Variants in WWOX observed in about 807,000 individuals in gnomAD.
The protein encoded by WWOX is WW domain containing oxidoreductase.
In WWOX, 69 loss-of-function variants were observed where a neutral mutation model predicts 46.2. The ratio of observed to expected loss-of-function variants is 1.49; its 90% CI spans 1.23 to 1.82. The LOEUF is 1.82. WWOX is among the 40% of genes most tolerant of loss of function. WWOX has a pLI of 0.00. For missense variants in WWOX, 919 were observed against 542.6 expected (o/e 1.69, Z -6.89); for synonymous variants, 359 against 202.6 (o/e 1.77, Z -6.56).
intron 8 of WWOX, among the ~76,000 whole-genome samples, chr16:78,921,842 A>C (rs1350634758): frequency 6.6e-6 from 1 of 152,174 alleles, no homozygotes; most frequent in African/African-American, 2.4e-5. Flanking sequence ...ACCCATCCTC[A>C]TGGCTGATAT....
At chr16:79,195,674 C>G (rs991120786) in intron 8 of WWOX, among the ~76,000 whole-genome samples, 1 of 152,166 alleles carries the variant, frequency 6.6e-6, no homozygotes, top group Non-Finnish European at 1.5e-5. Context: ...GGTAAGCCAG[C>G]TTGTCTAGAC....
intron 8 of WWOX, among the ~76,000 whole-genome samples, chr16:78,795,066 G>A (rs1038831753): frequency 1.3e-5 from 2 of 152,134 alleles, no homozygotes; most frequent in African/African-American, 4.8e-5. Context: ...TTTGGACGTT[G>A]GTGCTTAAGC....
At chr16:78,578,284 A>ATATATATATATATTTTTTTTT (rs1555567122) in intron 8 of WWOX, among the ~76,000 whole-genome samples, 4 of 20,840 alleles carry the variant, frequency 1.9e-4, no homozygotes, top group African/African-American at 6.8e-4. Context: ...ATATATATAT[A>ATATATATATATATTTTTTTTT]TTTTTTTTTT....
intron 8 of WWOX, among the ~76,000 whole-genome samples, chr16:78,860,058 A>G (rs747430403): frequency 2.6e-5 from 4 of 152,172 alleles, no homozygotes; most frequent in Non-Finnish European, 5.9e-5. Context: ...AATTGTAACA[A>G]TTTTCTAGCC....
intron 8 of WWOX, among the ~76,000 whole-genome samples, chr16:78,968,393 C>G (rs990324086): frequency 9.9e-5 from 15 of 151,846 alleles, no homozygotes; most frequent in Non-Finnish European, 1.8e-4. Context: ...ATTGTCATTG[C>G]TAATTGCCAG....
At chr16:78,784,685 A>C (rs367652652) in intron 8 of WWOX, among the ~76,000 whole-genome samples, 7 of 152,194 alleles carry the variant, frequency 4.6e-5, no homozygotes, top group Non-Finnish European at 1.0e-4. Flanking sequence ...GTGGTTCCCA[A>C]TGTTACTGTT....
chr16:79,209,079 T>A (rs555993894), intron 8 of WWOX, among the ~76,000 whole-genome samples: 3 of 152,210 alleles, frequency 2.0e-5, no homozygotes, highest in African/African-American at 7.2e-5. Flanking sequence ...TGTGATGGAA[T>A]TTAGATGGTA....
At chr16:78,424,848 C>T in intron 6 of WWOX, 22 bp from the exon 7 acceptor site, 1 of 1,613,860 alleles carries the variant, frequency 6.2e-7, no homozygotes, top group South Asian at 1.1e-5. Flanking sequence ...GTCCACATCA[C>T]ATGGGATATT....
At chr16:79,084,430 CT>C (rs948522046) in intron 8 of WWOX, among the ~76,000 whole-genome samples, 1 of 151,790 alleles carries the variant, frequency 6.6e-6, no homozygotes, top group Non-Finnish European at 1.5e-5. Context: ...CAAGTAATTT[CT>C]TTTTTTTGAG....
At chr16:79,012,244 T>C (rs1244583482) in intron 8 of WWOX, among the ~76,000 whole-genome samples, 1 of 151,932 alleles carries the variant, frequency 6.6e-6, no homozygotes. Flanking sequence ...TCTTAATTTT[T>C]CTTTTTGAGA....
chr16:78,112,715 T>C (rs1275298499), intron 3 of WWOX, among the ~76,000 whole-genome samples: 8 of 151,780 alleles, frequency 5.3e-5, no homozygotes, highest in Admixed American at 1.3e-4. Context: ...TTTTTTTTTT[T>C]TATACTGGGT....
chr16:78,939,739 TG>T (rs1459930868), intron 8 of WWOX, among the ~76,000 whole-genome samples: 1 of 152,248 alleles, frequency 6.6e-6, no homozygotes, highest in Non-Finnish European at 1.5e-5. Flanking sequence ...TCCCCATTTC[TG>T]GGTAACCCAG....
intron 5 of WWOX, chr16:78,355,779 T>G: frequency 1.4e-6 from 1 of 709,116 alleles, no homozygotes; most frequent in Non-Finnish European, 2.5e-6. Flanking sequence ...ATTCCAGTGT[T>G]CTTTCTCCGG....
chr16:78,582,823 C>G (rs2045095721), intron 8 of WWOX, among the ~76,000 whole-genome samples: 1 of 152,118 alleles, frequency 6.6e-6, no homozygotes, highest in Non-Finnish European at 1.5e-5. Flanking sequence ...GCCCTGAAGA[C>G]CTGGTATGTC....
chr16:78,571,094 A>G (rs539586030), intron 8 of WWOX, among the ~76,000 whole-genome samples: 7 of 152,304 alleles, frequency 4.6e-5, no homozygotes, highest in African/African-American at 1.7e-4. Context: ...TTTATCTGCA[A>G]TGGGAAAGCT....
chr16:78,136,239 A>G (rs555521148), intron 4 of WWOX, among the ~76,000 whole-genome samples: 15 of 152,362 alleles, frequency 9.8e-5, no homozygotes, highest in East Asian at 3.9e-4. Flanking sequence ...GGAATCTTCT[A>G]CAAAGCAAGG....
intron 5 of WWOX, among the ~76,000 whole-genome samples, chr16:78,342,747 G>A (rs191217449): frequency 8.3e-6 from 1 of 120,600 alleles, no homozygotes; most frequent in African/African-American, 2.8e-5. Flanking sequence ...CCCAAAAATT[G>A]CAGGTTTGAA....
intron 8 of WWOX, among the ~76,000 whole-genome samples, chr16:78,594,882 G>A (rs2045449735): frequency 6.6e-6 from 1 of 152,146 alleles, no homozygotes; most frequent in African/African-American, 2.4e-5. Context: ...TTAAATAGCA[G>A]CCTATGCATA....
chr16:78,305,113 C>T (rs73574552), intron 5 of WWOX, among the ~76,000 whole-genome samples: 2,567 of 152,280 alleles, frequency 0.017, 87 homozygotes, highest in African/African-American at 0.059. Flanking sequence ...TGTGGATTCT[C>T]AGTCCCCAAG....
Sources: gnomAD v4.1 joint callset for allele counts (sites outside exome capture counted in the v4.1 genomes callset) on GRCh38, gnomAD v4.1.1 for gene constraint, MANE v1.5 for transcripts, NCBI Gene and HGNC (gene_info 2026-07-23, HGNC 2026-07-21) for gene names.